C8orf34: variants seen among roughly 807,000 people sequenced by gnomAD.
The protein encoded by C8orf34 is chromosome 8 open reading frame 34.
A neutral mutation model predicts 68.3 loss-of-function variants in C8orf34; 65 were observed. The observed-to-expected ratio is 0.95, with a 90% CI of 0.78 to 1.17. C8orf34 has a LOEUF of 1.17. Ranked by LOEUF, C8orf34 falls within the 50% of genes most tolerant of loss-of-function variation. C8orf34 has a pLI of 0.00. For synonymous variants in C8orf34, 244 were observed against 241.2 expected (o/e 1.01, Z -0.11); for missense variants, 664 against 655.4 (o/e 1.01, Z -0.14).
At chr8:68,475,941 T>TG (rs1563471147) in intron 4 of C8orf34, among the ~76,000 whole-genome samples, 1 of 152,172 alleles carries the variant, frequency 6.6e-6, no homozygotes, top group African/African-American at 2.4e-5. Flanking sequence ...GCCCAGCTGC[T>TG]GGGGGAACAG....
chr8:68,558,597 G>A (rs187833982), intron 7 of C8orf34, among the ~76,000 whole-genome samples: 3 of 152,106 alleles, frequency 2.0e-5, no homozygotes, highest in East Asian at 1.9e-4. Context: ...GAGATAGGGC[G>A]AGTGGGAAAG....
chr8:68,384,188 A>G (rs1808158213), intron 1 of C8orf34, among the ~76,000 whole-genome samples: 2 of 152,206 alleles, frequency 1.3e-5, no homozygotes, highest in South Asian at 4.1e-4. Flanking sequence ...TTTACATCTA[A>G]AGTCAATGTC....
At chr8:68,612,484 C>T (rs1442064253) in intron 7 of C8orf34, among the ~76,000 whole-genome samples, 1 of 151,192 alleles carries the variant, frequency 6.6e-6, no homozygotes. Flanking sequence ...AATATCTTGC[C>T]CCGGCTCAAG....
intron 8 of C8orf34, among the ~76,000 whole-genome samples, chr8:68,675,992 A>C (rs1430115805): frequency 6.6e-6 from 1 of 152,210 alleles, no homozygotes; most frequent in Non-Finnish European, 1.5e-5. Flanking sequence ...GACAAAGATG[A>C]TTATATAATA....
At chr8:68,698,333 T>C (rs1190298301) in intron 8 of C8orf34, among the ~76,000 whole-genome samples, 1 of 152,078 alleles carries the variant, frequency 6.6e-6, no homozygotes, top group East Asian at 1.9e-4. Flanking sequence ...TTCTAAATCT[T>C]ATCAAAAGGA....
At chr8:68,566,582 A>T (rs1165073838) in intron 7 of C8orf34, among the ~76,000 whole-genome samples, 10 of 152,160 alleles carry the variant, frequency 6.6e-5, no homozygotes. Flanking sequence ...GCTAGCTTTC[A>T]GCTTTTCTTT....
intron 7 of C8orf34, among the ~76,000 whole-genome samples, chr8:68,559,738 C>T (rs1816363544): frequency 6.6e-6 from 1 of 152,060 alleles, no homozygotes; most frequent in Non-Finnish European, 1.5e-5. Flanking sequence ...AGCATGTAGC[C>T]AGGAACTTCA....
At chr8:68,716,570 T>C (rs983661221) in intron 9 of C8orf34, among the ~76,000 whole-genome samples, 1 of 152,042 alleles carries the variant, frequency 6.6e-6, no homozygotes, top group Non-Finnish European at 1.5e-5. Flanking sequence ...AAAAGCAAAT[T>C]AAGACCATGG....
intron 7 of C8orf34, among the ~76,000 whole-genome samples, chr8:68,536,358 C>CAAAAAAAA (rs10696903): frequency 4.5e-4 from 22 of 49,178 alleles, no homozygotes; most frequent in East Asian, 6.8e-4. Flanking sequence ...GACCCTATCT[C>CAAAAAAAA]AAAAAAAAAA....
chr8:68,656,681 C>A (rs1819519196), intron 8 of C8orf34, among the ~76,000 whole-genome samples: 2 of 152,164 alleles, frequency 1.3e-5, no homozygotes, highest in Non-Finnish European at 2.9e-5. Flanking sequence ...AGCCCCACAG[C>A]TGCCTTGGTG....
Position 68,710,534 on chromosome 8 carries a change from A to G in C8orf34, c.1327+1455A>G, listed in dbSNP as rs193258344. Among the ~76,000 whole-genome samples, 43 of 152,200 alleles carry G rather than the reference A, an allele frequency of 2.8e-4. 1 individual carries two copies. Among genetic ancestry groups the G allele is most frequent in the African/African-American group, 9.9e-4 (41 of 41,512 alleles). ...TTCCCCCACTTCCTTGGCGACCTGTATGACTCAGCAGAGGCAGCCATAATC... is the reference window on the plus strand; with the variant it reads ...TTCCCCCACTTCCTTGGCGACCTGTGTGACTCAGCAGAGGCAGCCATAATC... On this transcript the variant is annotated intron_variant, in intron 9 of 13. Coordinates refer to ENST00000518698, the MANE Select transcript of C8orf34 (RefSeq NM_052958.4).
intron 7 of C8orf34, among the ~76,000 whole-genome samples, chr8:68,589,991 G>A (rs1415670902): frequency 1.4e-5 from 2 of 146,210 alleles, no homozygotes. Context: ...CAGCATCCAT[G>A]GTATAAAAAA....
chr8:68,434,702 A>T (rs985175739), intron 1 of C8orf34, among the ~76,000 whole-genome samples: 18 of 152,216 alleles, frequency 1.2e-4, no homozygotes, highest in African/African-American at 4.3e-4. Flanking sequence ...TTGTCTCACT[A>T]TGTAGTATAC....
At chr8:68,395,131 A>T (rs571303196) in intron 1 of C8orf34, among the ~76,000 whole-genome samples, 11 of 149,784 alleles carry the variant, frequency 7.3e-5, no homozygotes, top group Non-Finnish European at 1.3e-4. Flanking sequence ...TACAAAAAGT[A>T]TTTTTTTTAA....
intron 8 of C8orf34, among the ~76,000 whole-genome samples, chr8:68,701,310 A>C (rs1821009040): frequency 6.6e-6 from 1 of 152,076 alleles, no homozygotes; most frequent in Non-Finnish European, 1.5e-5. Flanking sequence ...TTTAGCTTAA[A>C]GAGATCTCAA....
At chr8:68,576,352 G>A (rs1201202038) in intron 7 of C8orf34, among the ~76,000 whole-genome samples, 1 of 149,244 alleles carries the variant, frequency 6.7e-6, no homozygotes, top group Non-Finnish European at 1.5e-5. Context: ...AACGTATTCA[G>A]CTAACATTCA....
intron 3 of C8orf34, 24 bp from the exon 4 acceptor site, chr8:68,468,668 A>G (rs1812248940): frequency 2.5e-6 from 4 of 1,608,040 alleles, no homozygotes; most frequent in Non-Finnish European, 2.5e-6. Context: ...ATGCTTATGA[A>G]ATTACCATTT....
chr8:68,818,233 C>G lies in C8orf34; in HGVS notation c.1610-6C>G, dbSNP rs898044829. The stretch of plus-strand genomic sequence containing the variant: ...CATTTTCTTCTGTTTCATTTCTCCT[C>G]TGCAGGTTTGTGAAACAGAGAGAAG... On this transcript the variant is annotated splice_region_variant and splice_polypyrimidine_tract_variant and intron_variant, in intron 13 of 13. Transcript: ENST00000518698. The G allele has an allele frequency of 1.9e-6, 3 of 1,612,368 alleles. No individual in the cohort carries two copies. Among genetic ancestry groups the G allele is most frequent in the Non-Finnish European group, 2.5e-6 (3 of 1,179,150 alleles).
intron 8 of C8orf34, among the ~76,000 whole-genome samples, chr8:68,660,154 G>GA: frequency 6.6e-6 from 1 of 152,176 alleles, no homozygotes; most frequent in East Asian, 1.9e-4. Flanking sequence ...GACAGAGGAG[G>GA]AAAAAGGAGA....
Sources: gnomAD v4.1 joint callset for allele counts (sites outside exome capture counted in the v4.1 genomes callset) on GRCh38, gnomAD v4.1.1 for gene constraint, MANE v1.5 for transcripts, NCBI Gene and HGNC (gene_info 2026-07-23, HGNC 2026-07-21) for gene names.